The following FGD6 variants were observed in gnomAD, a reference collection of about 807,000 sequenced individuals.
The protein encoded by FGD6 is FYVE, RhoGEF and PH domain-containing protein 6.
In FGD6, 90 loss-of-function variants were observed where a neutral mutation model predicts 149.4. The ratio of observed to expected loss-of-function variants is 0.60; its 90% CI spans 0.51 to 0.72. The LOEUF is 0.72. FGD6 is among the 30% of genes least tolerant of loss of function. The pLI, the probability that FGD6 is intolerant of heterozygous loss-of-function variation, is 0.00. For synonymous variants in FGD6, 527 were observed against 584.0 expected (o/e 0.90, Z 1.41); for missense variants, 1,437 against 1,684.8 (o/e 0.85, Z 2.57).
chr12:95,148,601 G>C lies in FGD6; in HGVS notation c.2685+4210C>G, dbSNP rs1880097455. On this transcript the variant is annotated intron_variant, in intron 5 of 20. Transcript: ENST00000343958. The stretch of plus-strand genomic sequence containing the variant: ...CATAGCATATATTATATAATACATA[G>C]CATGTTATATATATTATATAATACA... Among the ~76,000 whole-genome samples the C allele has an allele frequency of 3.4e-5, 3 of 89,454 alleles. No individual in the cohort carries two copies. In the Admixed American group the frequency reaches 4.4e-4, roughly 13 times the overall value. The allele number at this position is 89,454 out of a possible 152,430, so 58.7% of individuals were successfully genotyped here.
intron 14 of FGD6, among the ~76,000 whole-genome samples, chr12:95,096,166 C>CTT (rs920982854): frequency 2.1e-4 from 32 of 152,274 alleles, no homozygotes; most frequent in Admixed American, 2.0e-3. Context: ...TTTGCCCTAA[C>CTT]TTTAAGTATA....
rs544907769 is a variant in FGD6, at chr12:95,103,285, AC to A, written c.3497+1721del. On this transcript the variant is annotated intron_variant, in intron 14 of 20. Coordinates refer to ENST00000343958, the MANE Select transcript of FGD6 (RefSeq NM_018351.4). ...TAGATCAAAGGTTAGGTCTGAGAAGACAGTGTCTCATTATTTAGATTGTGCA... is the reference window on the plus strand; with the variant it reads ...TAGATCAAAGGTTAGGTCTGAGAAGAAGTGTCTCATTATTTAGATTGTGCA... 2.3e-4 allele frequency among the ~76,000 whole-genome samples: 35 copies of A among 152,358 alleles called. No homozygotes were observed. The South Asian group carries it at 6.8e-3, about 30-fold the overall frequency.
At chr12:95,188,381 C>CTG (rs1881502634) in intron 2 of FGD6, among the ~76,000 whole-genome samples, 2 of 140,344 alleles carry the variant, frequency 1.4e-5, no homozygotes, top group African/African-American at 5.6e-5. Flanking sequence ...AAAGCACCAT[C>CTG]CGTGTGTGTG....
chr12:95,210,121 A>C lies in FGD6; in HGVS notation c.1163T>G (p.Met388Arg), dbSNP rs141222786. 12 of 1,614,012 alleles carry C rather than the reference A, an allele frequency of 7.4e-6. No homozygotes were observed. Among genetic ancestry groups the C allele is most frequent in the Non-Finnish European group, 1.0e-5 (12 of 1,180,010 alleles). Reference protein sequence around the residue: ...MKLGNKSELNMESNSDAQDLV... With the variant: ...MKLGNKSELNRESNSDAQDLV... Reference sequence around the variant, plus strand: ...GTCCTGTGCATCACTGTTGGATTCCATATTCAATTCACTTTTATTTCCTAG... The same window carrying C: ...GTCCTGTGCATCACTGTTGGATTCCCTATTCAATTCACTTTTATTTCCTAG... The change falls in exon 2 of 21, where the codon ATG (methionine) becomes AGG (arginine). Residue 388 changes from methionine to arginine, a missense_variant. Physicochemically the swap from Met to Arg is moderately conservative, Grantham distance 91 (BLOSUM62 -1). This residue lies in a region of FGD6 where 1,055 missense variants were observed against 1,146.0 expected (regional missense o/e 0.92). Coordinates refer to ENST00000343958, the MANE Select transcript of FGD6 (RefSeq NM_018351.4).
chr12:95,113,549 AAG>A (rs1299299789), intron 9 of FGD6, 100 bp downstream of exon 9: 20 of 953,604 alleles, frequency 2.1e-5, no homozygotes, highest in South Asian at 1.8e-4. Context: ...AAGTCGTATG[AAG>A]AGAGTTTGTA....
chr12:95,192,248 AATGTAC>A (rs1467651859), intron 2 of FGD6, among the ~76,000 whole-genome samples: 1 of 152,204 alleles, frequency 6.6e-6, no homozygotes, highest in African/African-American at 2.4e-5. Context: ...CAAAGAGCAG[AATGTAC>A]ATGTATTTTT....
intron 2 of FGD6, among the ~76,000 whole-genome samples, chr12:95,177,319 A>G (rs1881161463): frequency 6.6e-6 from 1 of 152,204 alleles, no homozygotes; most frequent in Non-Finnish European, 1.5e-5. Context: ...GGAAAGGAAA[A>G]GCTGAGTTAA....
chr12:95,106,929 C>CAAAAG, intron 13 of FGD6, 25 bp downstream of exon 13: 1 of 1,472,568 alleles, frequency 6.8e-7, no homozygotes, highest in Middle Eastern at 1.7e-4. Context: ...AAACAAAAAA[C>CAAAAG]AAAACATCTA....
At chr12:95,128,175 A>C (rs192557471) in intron 8 of FGD6, among the ~76,000 whole-genome samples, 2 of 152,324 alleles carry the variant, frequency 1.3e-5, no homozygotes, top group East Asian at 3.9e-4. Flanking sequence ...ACATCACCAG[A>C]ATATACTTTC....
chr12:95,172,750 T>G lies in FGD6; in HGVS notation c.2442-6A>C. The G allele has an allele frequency of 6.3e-7, 1 of 1,576,570 alleles. No homozygotes were observed. Among genetic ancestry groups the G allele is most frequent in the Non-Finnish European group, 8.6e-7 (1 of 1,157,688 alleles). Reference sequence around the variant, plus strand: ...CCTCCTGGGATGCTCCTGAACTGCATTCAACAGAAAGCAGGTATTAGTCAC... The same window carrying G: ...CCTCCTGGGATGCTCCTGAACTGCAGTCAACAGAAAGCAGGTATTAGTCAC... On this transcript the variant is annotated splice_region_variant and splice_polypyrimidine_tract_variant and intron_variant, in intron 2 of 20. Coordinates refer to ENST00000343958, the MANE Select transcript of FGD6 (RefSeq NM_018351.4).
At chr12:95,129,311 G>GCATCCATCCATC (rs71435749) in intron 8 of FGD6, among the ~76,000 whole-genome samples, 1 of 105,358 alleles carries the variant, frequency 9.5e-6, no homozygotes, top group South Asian at 3.5e-4. Flanking sequence ...ATGCATGCAT[G>GCATCCATCCATC]CATCCATCCA....
At chr12:95,180,687 G>C (rs1442278580) in intron 2 of FGD6, among the ~76,000 whole-genome samples, 1 of 152,012 alleles carries the variant, frequency 6.6e-6, no homozygotes. Flanking sequence ...ACCACTCCTG[G>C]CTGAGAGATT....
At chr12:95,085,088 C>T (rs1178667532) in intron 19 of FGD6, among the ~76,000 whole-genome samples, 1 of 152,058 alleles carries the variant, frequency 6.6e-6, no homozygotes, top group Non-Finnish European at 1.5e-5. Context: ...GAGTAAACTG[C>T]TAGAATTGTT....
chr12:95,137,388 T>C, intron 7 of FGD6, 134 bp downstream of exon 7: 1 of 698,276 alleles, frequency 1.4e-6, no homozygotes. Context: ...TTCAATTCCA[T>C]CTTTGATTTT....
At chr12:95,128,999 G>C (rs947996784) in intron 8 of FGD6, among the ~76,000 whole-genome samples, 1 of 152,174 alleles carries the variant, frequency 6.6e-6, no homozygotes, top group African/African-American at 2.4e-5. Flanking sequence ...CCTTGGAAGA[G>C]AAATTAGGCA....
At position 95,217,219 on chromosome 12, in the gene FGD6, A is replaced by C. The variant is rs1592891673; in HGVS notation, c.16+6T>G. ...TTCCCGCGGCAGCGCGAGCGCCGTC[A>C]CTTACCGGCTGCAGAAGTCATGATT... On this transcript the variant is annotated splice_donor_region_variant and intron_variant, in intron 1 of 20. Transcript: ENST00000343958. The C allele has an allele frequency of 6.2e-7, 1 of 1,612,316 alleles. No individual in the cohort carries two copies. The highest frequency in any genetic ancestry group is 1.7e-5 in the Admixed American group (1 of 59,948).
chr12:95,169,806 G>T (rs1198067859), intron 3 of FGD6, among the ~76,000 whole-genome samples: 1 of 152,122 alleles, frequency 6.6e-6, no homozygotes, highest in African/African-American at 2.4e-5. Context: ...AGTCAGGATT[G>T]ATTTAATTAT....
chr12:95,180,054 G>A (rs1157533344), intron 2 of FGD6, among the ~76,000 whole-genome samples: 1 of 146,844 alleles, frequency 6.8e-6, no homozygotes, highest in Non-Finnish European at 1.5e-5. Context: ...CTCCAGCCTG[G>A]GCAATAAGAG....
chr12:95,198,547 C>G (rs1881785803), intron 2 of FGD6, among the ~76,000 whole-genome samples: 1 of 152,184 alleles, frequency 6.6e-6, no homozygotes, highest in African/African-American at 2.4e-5. Flanking sequence ...TCACGCCCTT[C>G]TCCTGCCTCA....
Sources: gnomAD v4.1 joint callset for allele counts (sites outside exome capture counted in the v4.1 genomes callset) on GRCh38, gnomAD v4.1.1 for gene constraint, gnomAD v4.1.1 regional missense constraint, MANE v1.5 for transcripts, NCBI Gene and HGNC (gene_info 2026-07-23, HGNC 2026-07-21) for gene names.